The following WDR11 variants were observed in gnomAD, a reference collection of about 807,000 sequenced individuals.
WDR11 encodes WD repeat domain 11.
A neutral mutation model predicts 151.2 loss-of-function variants in WDR11; 83 were observed. The observed-to-expected ratio is 0.55, with a 90% CI of 0.46 to 0.66. WDR11 has a LOEUF of 0.66. Among genes scored for constraint, WDR11 ranks in the 30% least tolerant of loss-of-function variants. WDR11 has a pLI of 0.00. For missense variants in WDR11, 1,301 were observed against 1,480.9 expected (o/e 0.88, Z 1.99); for synonymous variants, 484 against 533.1 (o/e 0.91, Z 1.27).
chr10:120,871,364 TC>T lies in WDR11; in HGVS notation c.1471+19del, dbSNP rs1317561264. ...GGCTGTTGGTGAGTATTTGACCTGG[TC>T]TTTTTTTTTTTAACTCACTTTATAA... On this transcript the variant is annotated intron_variant, in intron 10 of 28. Transcript: ENST00000263461. The T allele has an allele frequency of 2.5e-6, 4 of 1,609,410 alleles. No individual in the cohort carries two copies. The South Asian group carries it at 3.3e-5, about 13-fold the overall frequency.
At chr10:120,872,641 C>A (rs1200816761) in intron 10 of WDR11, among the ~76,000 whole-genome samples, 1 of 152,072 alleles carries the variant, frequency 6.6e-6, no homozygotes, top group Non-Finnish European at 1.5e-5. Context: ...GGAATTAATT[C>A]TCCTTGTGGT....
chr10:120,853,439 G>T (rs1026896823), intron 2 of WDR11, among the ~76,000 whole-genome samples: 5 of 151,964 alleles, frequency 3.3e-5, no homozygotes, highest in Admixed American at 1.3e-4. Context: ...CTAATTTTTT[G>T]TATTTTTAGT....
At chr10:120,872,022 A>G (rs954320133) in intron 10 of WDR11, among the ~76,000 whole-genome samples, 1 of 152,222 alleles carries the variant, frequency 6.6e-6, no homozygotes, top group Non-Finnish European at 1.5e-5. Context: ...TCTGAAAAAC[A>G]GTGTATTTGT....
At chr10:120,879,350 CTT>C (rs1208288798) in intron 12 of WDR11, 2 of 152,136 alleles carry the variant, frequency 1.3e-5, no homozygotes, top group Non-Finnish European at 2.9e-5. Flanking sequence ...TCATTCCCGT[CTT>C]TAGTCCAGTG....
chr10:120,876,524 T>C (rs2133768115), intron 11 of WDR11, among the ~76,000 whole-genome samples: 1 of 152,326 alleles, frequency 6.6e-6, no homozygotes, highest in East Asian at 1.9e-4. Flanking sequence ...CAGGCTGTTA[T>C]TCATCTCTTC....
chr10:120,874,053 T>C (rs1846642791), intron 11 of WDR11, 130 bp downstream of exon 11: 1 of 676,448 alleles, frequency 1.5e-6, no homozygotes, highest in East Asian at 2.7e-5. Context: ...ATAATATTCA[T>C]GTCCAACTAA....
At chr10:120,886,287 C>T (rs1262186468) in intron 15 of WDR11, among the ~76,000 whole-genome samples, 1 of 152,080 alleles carries the variant, frequency 6.6e-6, no homozygotes, top group Non-Finnish European at 1.5e-5. Context: ...ATCATTTATA[C>T]ACACCAAAGA....
chr10:120,897,024 G>A (rs1181871003), intron 19 of WDR11, among the ~76,000 whole-genome samples: 1 of 152,172 alleles, frequency 6.6e-6, no homozygotes, highest in East Asian at 1.9e-4. Context: ...AGATGGGTCT[G>A]GGGCATCTTG....
chr10:120,883,310 G>A (rs566409258), intron 13 of WDR11, among the ~76,000 whole-genome samples: 14 of 152,278 alleles, frequency 9.2e-5, no homozygotes, highest in East Asian at 7.7e-4. Flanking sequence ...AATTGCACTC[G>A]TTGATGTCAT....
At chr10:120,886,956 A>AC in intron 16 of WDR11, 120 bp downstream of exon 16, 8 of 1,078,170 alleles carry the variant, frequency 7.4e-6, no homozygotes, top group Non-Finnish European at 9.7e-6. Flanking sequence ...AACTTTATTT[A>AC]AGGAGATATT....
rs1383811180 is a variant in WDR11 at position 120,878,424 on chromosome 10, T to C, written c.1628T>C (p.Val543Ala). The C allele has an allele frequency of 6.2e-7, 1 of 1,613,308 alleles. No individual in the cohort carries two copies. Among genetic ancestry groups the C allele is most frequent in the East Asian group, 2.2e-5 (1 of 44,720 alleles). Residue 543 changes from valine to alanine, a missense_variant, in exon 12 of 29, where the codon GTG (valine) becomes GCG (alanine). By Grantham distance (64) the Val-to-Ala change is moderately conservative (BLOSUM62 0). Coordinates refer to ENST00000263461, the MANE Select transcript of WDR11 (RefSeq NM_018117.12). ...TCAACACCAAACAATATGGGATTAG[T>C]GAGAAATGAACTTCAACTGGTTGAT... Reference protein sequence around the residue: ...ATSTPNNMGLVRNELQLVDLP... With the variant: ...ATSTPNNMGLARNELQLVDLP...
intron 19 of WDR11, 149 bp from the exon 20 acceptor site, chr10:120,899,879 TC>T (rs1847750082): frequency 7.5e-6 from 5 of 669,006 alleles, no homozygotes; most frequent in Non-Finnish European, 1.3e-5. Context: ...GGCTTGTGTT[TC>T]CTAAGCGGTG....
At chr10:120,869,672 C>T (rs1356914537) in intron 9 of WDR11, among the ~76,000 whole-genome samples, 19 of 152,100 alleles carry the variant, frequency 1.2e-4, no homozygotes, top group Admixed American at 1.0e-3. Flanking sequence ...TGAATTGCCT[C>T]TTATGAAAAA....
At position 120,886,680 on chromosome 10, in the gene WDR11, A is replaced by G. The variant is rs1847231612; in HGVS notation, c.1974-9A>G. The G allele has an allele frequency of 1.2e-6, 2 of 1,613,352 alleles. No homozygotes were observed. The highest frequency in any genetic ancestry group is 1.7e-6 in the Non-Finnish European group (2 of 1,179,660). Reference sequence around the variant, plus strand: ...AAACATCTTTATCATATGTTTCACTATCCCAAAGCTTGCTGCAGGAGGCAG... The same window carrying G: ...AAACATCTTTATCATATGTTTCACTGTCCCAAAGCTTGCTGCAGGAGGCAG... On this transcript the variant is annotated splice_polypyrimidine_tract_variant and intron_variant, in intron 15 of 28. Coordinates refer to ENST00000263461, the MANE Select transcript of WDR11 (RefSeq NM_018117.12).
chr10:120,892,180 CTTAAA>C (rs895624527), intron 19 of WDR11, among the ~76,000 whole-genome samples: 2 of 152,180 alleles, frequency 1.3e-5, no homozygotes, highest in African/African-American at 2.4e-5. Context: ...GTAGCTTGTT[CTTAAA>C]TTAAACTGAC....
intron 19 of WDR11, among the ~76,000 whole-genome samples, chr10:120,891,369 T>C (rs1195759293): frequency 6.6e-6 from 1 of 152,196 alleles, no homozygotes; most frequent in Non-Finnish European, 1.5e-5. Flanking sequence ...AATTAGCAGA[T>C]TGCAGTATCT....
rs764525560 is a variant in WDR11, at chr10:120,866,724, G to C, written c.1150G>C (p.Glu384Gln). 6.2e-7 allele frequency: 1 copy of C among 1,614,182 alleles called. No individual in the cohort carries two copies. The highest frequency in any genetic ancestry group is 8.5e-7 in the Non-Finnish European group (1 of 1,180,030). Residue 384 changes from glutamate to glutamine, a missense_variant, in exon 8 of 29, where the codon GAA (glutamate) becomes CAA (glutamine). Coordinates refer to ENST00000263461, the MANE Select transcript of WDR11 (RefSeq NM_018117.12). ...VVSDGRVMIW[E>Q]LKSAVCNRNS... is the part of the protein sequence containing the mutation. Reference sequence around the variant, plus strand: ...GAGTGATGGCAGGGTCATGATATGGGAACTCAAGTCTGCAGTTTGTAATCG... The same window carrying C: ...GAGTGATGGCAGGGTCATGATATGGCAACTCAAGTCTGCAGTTTGTAATCG...
rs1590119245 is a variant in WDR11 at position 120,903,082 on chromosome 10, C to T, written c.2781C>T (p.His927=). 6.2e-7 allele frequency: 1 copy of T among 1,614,034 alleles called. No individual in the cohort carries two copies. The highest frequency in any genetic ancestry group is 8.5e-7 in the Non-Finnish European group (1 of 1,180,046). Reference sequence around the variant, plus strand: ...TCTATGGTGATGAATCGGAGCTGCACTTCTGGACTGTCGCTGCCCACTACC... The same window carrying T: ...TCTATGGTGATGAATCGGAGCTGCATTTCTGGACTGTCGCTGCCCACTACC... ...SRLYGDESEL[H]FWTVAAHYLH... is the part of the protein sequence containing the mutation. The change falls in exon 23 of 29, where the codon CAC becomes CAT. Residue 927 remains histidine (H), a synonymous_variant. Coordinates refer to ENST00000263461, the MANE Select transcript of WDR11 (RefSeq NM_018117.12).
At chr10:120,854,031 G>T (rs1194814879) in intron 2 of WDR11, among the ~76,000 whole-genome samples, 2 of 152,088 alleles carry the variant, frequency 1.3e-5, no homozygotes, top group Non-Finnish European at 2.9e-5. Context: ...TTAAATAATA[G>T]CTTTATTGAG....
Sources: allele counts gnomAD v4.1 joint callset (sites outside exome capture counted in the v4.1 genomes callset), GRCh38; gene constraint gnomAD v4.1.1; transcripts MANE v1.5; gene names NCBI Gene and HGNC (gene_info 2026-07-23, HGNC 2026-07-21).